The following NKAIN3 variants were observed in gnomAD, a reference collection of about 807,000 sequenced individuals.
NKAIN3 encodes the protein sodium/potassium-transporting ATPase subunit beta-1-interacting protein 3.
NKAIN3 carries 25 observed loss-of-function variants against 30.2 expected under a neutral mutation model. The ratio of observed to expected loss-of-function variants is 0.83; its 90% CI spans 0.60 to 1.16. The LOEUF (loss-of-function observed/expected upper bound fraction) is 1.16, where lower values mean the gene tolerates loss of function less well. NKAIN3 is among the 50% of genes most tolerant of loss of function. NKAIN3 has a pLI of 0.00. For missense variants in NKAIN3, 225 were observed against 254.1 expected, an observed-to-expected ratio of 0.89 and a Z score of 0.78; for synonymous variants, 91 against 89.6, an observed-to-expected ratio of 1.02 and a Z score of -0.09.
At chr8:62,396,039 G>A (rs2129594930) in intron 1 of NKAIN3, among the ~76,000 whole-genome samples, 1 of 152,218 alleles carries the variant, frequency 6.6e-6, no homozygotes, top group East Asian at 1.9e-4. Flanking sequence ...GAAGAAAAAA[G>A]AGGTTTTTAA....
At chr8:62,513,981 CAAG>C (rs1359893476) in intron 1 of NKAIN3, among the ~76,000 whole-genome samples, 2 of 150,500 alleles carry the variant, frequency 1.3e-5, no homozygotes, top group African/African-American at 4.9e-5. Context: ...GCACAGAAAG[CAAG>C]AAGGAGACAA....
chr8:62,714,967 A>T (rs1018768542), intron 3 of NKAIN3, among the ~76,000 whole-genome samples: 2 of 152,200 alleles, frequency 1.3e-5, no homozygotes, highest in African/African-American at 4.8e-5. Context: ...TAAAGAAAAG[A>T]GGTTGAATTA....
chr8:62,469,310 C>A (rs1002649059), intron 1 of NKAIN3, among the ~76,000 whole-genome samples: 7 of 152,264 alleles, frequency 4.6e-5, no homozygotes, highest in African/African-American at 1.4e-4. Context: ...ATTATCTCAT[C>A]CTTAAAAAAC....
intron 1 of NKAIN3, among the ~76,000 whole-genome samples, chr8:62,552,082 C>T (rs1346292207): frequency 2.0e-5 from 3 of 152,088 alleles, no homozygotes; most frequent in Non-Finnish European, 4.4e-5. Context: ...CTGTATATTG[C>T]GGTGCAACAC....
At chr8:62,984,931 C>T (rs962294596), downstream of NKAIN3, 28 of 152,130 alleles carry the variant, frequency 1.8e-4, no homozygotes, top group African/African-American at 6.8e-4. Flanking sequence ...AATACATTTT[C>T]TCACTATATT....
At chr8:62,656,965 A>G (rs1445322114) in intron 3 of NKAIN3, among the ~76,000 whole-genome samples, 3 of 152,218 alleles carry the variant, frequency 2.0e-5, no homozygotes, top group Admixed American at 6.5e-5. Context: ...ATTTTTCAAC[A>G]AAAGGGTATT....
At chr8:62,841,856 T>C (rs923173101) in intron 4 of NKAIN3, among the ~76,000 whole-genome samples, 4 of 152,154 alleles carry the variant, frequency 2.6e-5, no homozygotes, top group African/African-American at 9.6e-5. Context: ...ATGGGAGTTC[T>C]ATTTTTAGTT....
chr8:62,727,925 G>A (rs1419188162), intron 3 of NKAIN3, among the ~76,000 whole-genome samples: 1 of 152,122 alleles, frequency 6.6e-6, no homozygotes, highest in African/African-American at 2.4e-5. Context: ...GTGTACGGTT[G>A]GATGAGTTTT....
intron 3 of NKAIN3, among the ~76,000 whole-genome samples, chr8:62,740,073 A>T (rs2130566707): frequency 6.6e-6 from 1 of 152,332 alleles, no homozygotes; most frequent in Non-Finnish European, 1.5e-5. Flanking sequence ...TACAAGCTCC[A>T]AACACTTAAA....
intron 3 of NKAIN3, among the ~76,000 whole-genome samples, chr8:62,728,318 AT>A (rs1369693060): frequency 6.6e-6 from 1 of 152,294 alleles, no homozygotes; most frequent in African/African-American, 2.4e-5. Context: ...ATAATAAAAA[AT>A]AATAATCATA....
At chr8:62,867,927 C>T (rs191848805) in intron 4 of NKAIN3, among the ~76,000 whole-genome samples, 96 of 152,230 alleles carry the variant, frequency 6.3e-4, no homozygotes, top group African/African-American at 2.2e-3. Context: ...CACAAATACA[C>T]GCACAGAGCA....
intron 1 of NKAIN3, among the ~76,000 whole-genome samples, chr8:62,394,871 C>CA (rs1817691383): frequency 7.9e-6 from 1 of 126,834 alleles, no homozygotes; most frequent in African/African-American, 3.0e-5. Flanking sequence ...GTGGGGCGGC[C>CA]GGGGGAGGCG....
chr8:62,855,599 T>G, intron 4 of NKAIN3: 1 of 1,600,222 alleles, frequency 6.2e-7, no homozygotes, highest in African/African-American at 1.3e-5. Context: ...CAATGTCAGG[T>G]CCACTGCTTG....
intron 1 of NKAIN3, among the ~76,000 whole-genome samples, chr8:62,387,668 C>T (rs540824789): frequency 1.7e-4 from 26 of 152,246 alleles, no homozygotes; most frequent in Non-Finnish European, 3.2e-4. Flanking sequence ...TAACATTCCC[C>T]CAAGTTGGTA....
intron 4 of NKAIN3, among the ~76,000 whole-genome samples, chr8:62,888,868 T>C (rs1234006197): frequency 6.6e-6 from 1 of 152,132 alleles, no homozygotes; most frequent in Non-Finnish European, 1.5e-5. Context: ...AGTTATGTAT[T>C]TATGTGTTAT....
intron 1 of NKAIN3, among the ~76,000 whole-genome samples, chr8:62,571,240 A>G (rs1432115122): frequency 6.6e-6 from 1 of 150,904 alleles, no homozygotes; most frequent in Non-Finnish European, 1.5e-5. Context: ...GGTTTAAGTG[A>G]TTCTCCTGCC....
At chr8:62,296,187 A>G (rs764457722) in intron 1 of NKAIN3, among the ~76,000 whole-genome samples, 7 of 152,166 alleles carry the variant, frequency 4.6e-5, no homozygotes. Context: ...ACTCCTTCAT[A>G]GGGAAATTAA....
chr8:62,273,732 A>G (rs1812843374), intron 1 of NKAIN3, among the ~76,000 whole-genome samples: 1 of 152,160 alleles, frequency 6.6e-6, no homozygotes, highest in African/African-American at 2.4e-5. Flanking sequence ...CTTAGAAGAG[A>G]TGTGAATTTT....
At chr8:62,805,895 C>T (rs892844899) in intron 4 of NKAIN3, among the ~76,000 whole-genome samples, 4 of 152,074 alleles carry the variant, frequency 2.6e-5, no homozygotes, top group Non-Finnish European at 5.9e-5. Flanking sequence ...ATTTTTGCAA[C>T]CTACTCATCT....
Sources: gnomAD v4.1 joint callset for allele counts (sites outside exome capture counted in the v4.1 genomes callset) on GRCh38, gnomAD v4.1.1 for gene constraint, MANE v1.5 for transcripts, NCBI Gene and HGNC (gene_info 2026-07-23, HGNC 2026-07-21) for gene names.